The following PIGG variants were observed in gnomAD, a reference collection of about 807,000 sequenced individuals.
PIGG encodes the protein phosphatidylinositol glycan anchor biosynthesis class G (EMM blood group).
A neutral mutation model predicts 83.2 loss-of-function variants in PIGG; 70 were observed. That is an observed-to-expected ratio of 0.84 (90% CI 0.69 to 1.03). The LOEUF is 1.03. Among genes scored for constraint, PIGG ranks in the 50% least tolerant of loss-of-function variants. The pLI is 0.00. For missense variants in PIGG, 1,257 were observed against 1,233.6 expected, an observed-to-expected ratio of 1.02 and a Z score of -0.28; for synonymous variants, 532 against 519.5, an observed-to-expected ratio of 1.02 and a Z score of -0.33.
At chr4:534,190 C>T (rs932361127) in intron 12 of PIGG, among the ~76,000 whole-genome samples, 6 of 152,016 alleles carry the variant, frequency 3.9e-5, no homozygotes, top group East Asian at 1.9e-4. Context: ...TCGGGTCTGA[C>T]GGGGCCTCGC....
At position 527,043 on chromosome 4, in the gene PIGG, G is replaced by C. The variant is rs1380902057; in HGVS notation, c.2074G>C (p.Asp692His). 1.2e-6 allele frequency: 2 copies of C among 1,613,942 alleles called. No homozygotes were observed. Among genetic ancestry groups the C allele is most frequent in the Non-Finnish European group, 1.7e-6 (2 of 1,180,028 alleles). Residue 692 changes from aspartate to histidine, a missense_variant, in exon 10 of 13, where the codon GAC becomes CAC. Transcript: ENST00000453061. ...GCATTTTCCATCTCATTTCAGCTCT[G>C]ACCACAAAGCCGAGCTCTCTGTCCT... Reference protein sequence around the residue: ...PDLGHWLTSSDHKAELSVLAA... With the variant: ...PDLGHWLTSSHHKAELSVLAA...
chr4:508,350 G>A (rs1267321214), intron 4 of PIGG, among the ~76,000 whole-genome samples: 1 of 152,252 alleles, frequency 6.6e-6, no homozygotes, highest in Non-Finnish European at 1.5e-5. Context: ...CAGCCTGCCT[G>A]GCTTGTCCCG....
intron 10 of PIGG, 137 bp downstream of exon 10, chr4:527,367 T>C: frequency 7.2e-7 from 1 of 1,394,576 alleles, no homozygotes; most frequent in South Asian, 1.7e-5. Context: ...TGGAGTTTGG[T>C]GTTTGTGAAT....
chr4:512,365 A>ATGT (rs1722307294), intron 5 of PIGG, among the ~76,000 whole-genome samples: 1 of 150,882 alleles, frequency 6.6e-6, no homozygotes, highest in Non-Finnish European at 1.5e-5. Flanking sequence ...GATTACAGGC[A>ATGT]CCCACCACCA....
In PIGG at chr4:527,149, G is replaced by C; in HGVS notation, c.2180G>C (p.Gly727Ala). The change falls in exon 10 of 13, where the codon GGG becomes GCG. Residue 727 changes from glycine to alanine, a missense_variant. Transcript: ENST00000453061. ...SPVSKAALAL[G>A]LLGVYCYRAA... ...GTGTCCAAGGCTGCCCTGGCGCTGGGGCTGCTGGGCGTCTACTGCTACCGG... is the reference window on the plus strand; with the variant it reads ...GTGTCCAAGGCTGCCCTGGCGCTGGCGCTGCTGGGCGTCTACTGCTACCGG... 6.2e-7 allele frequency: 1 copy of C among 1,614,054 alleles called. No individual in the cohort carries two copies. The highest frequency in any genetic ancestry group is 8.5e-7 in the Non-Finnish European group (1 of 1,179,996).
At chr4:538,285 G>A (rs1199314368) in intron 12 of PIGG, among the ~76,000 whole-genome samples, 1 of 151,656 alleles carries the variant, frequency 6.6e-6, no homozygotes, top group Non-Finnish European at 1.5e-5. Context: ...TTGCTTTGAG[G>A]AAGAGATTTA....
At chr4:499,523 G>A (rs781953167) in intron 1 of PIGG, 34 bp downstream of exon 1, 5 of 1,567,746 alleles carry the variant, frequency 3.2e-6, no homozygotes, top group South Asian at 2.3e-5. Context: ...CCGCTCCCCT[G>A]ACCCCACATC....
At chr4:507,336 G>A (rs879955075) in intron 3 of PIGG, 69 bp from the exon 4 acceptor site, 20 of 1,262,752 alleles carry the variant, frequency 1.6e-5, no homozygotes, top group South Asian at 8.4e-5. Flanking sequence ...TGACTGTTGC[G>A]TTTTCCCCGG....
At chr4:511,241 C>T (rs1050406305) in intron 5 of PIGG, among the ~76,000 whole-genome samples, 20 of 148,300 alleles carry the variant, frequency 1.3e-4, no homozygotes, top group Non-Finnish European at 2.2e-4. Flanking sequence ...TGCAGTGAGC[C>T]GAGATCGTGC....
intron 9 of PIGG, 53 bp from the exon 10 acceptor site, chr4:526,986 T>C: frequency 6.3e-6 from 10 of 1,597,696 alleles, no homozygotes; most frequent in Non-Finnish European, 8.5e-6. Flanking sequence ...TGGTGTAGAT[T>C]GATCTTGTCG....
At chr4:512,163 G>A (rs948659340) in intron 5 of PIGG, among the ~76,000 whole-genome samples, 1 of 148,514 alleles carries the variant, frequency 6.7e-6, no homozygotes, top group East Asian at 2.0e-4. Context: ...TCTTCTGCCA[G>A]TTCAAGTCTA....
At chr4:506,873 TC>T in intron 3 of PIGG, 1 of 437,276 alleles carries the variant, frequency 2.3e-6, no homozygotes, top group South Asian at 1.6e-5. Flanking sequence ...CTGGGTACTG[TC>T]CTGTCTTTAA....
Position 515,932 on chromosome 4 carries a change from T to C in PIGG, c.902-41T>C. ...TTCAAGAATGAGTACCATCTTACAC[T>C]TTCTAGAAGTCTGTTACTTAAAATG... is the stretch of plus-strand genomic sequence containing the variant. On this transcript the variant is annotated intron_variant, in intron 5 of 12. Coordinates refer to ENST00000453061, the MANE Select transcript of PIGG (RefSeq NM_001127178.3). This position sits in a 1 kb window ranked among gnomAD's most constrained non-coding sequence, Gnocchi z 4.2. 6 of 1,505,178 alleles carry C rather than the reference T, an allele frequency of 4.0e-6. No homozygotes were observed. The highest frequency in any genetic ancestry group is 4.6e-6 in the Non-Finnish European group (5 of 1,081,130). 93.2% of individuals were successfully genotyped at this position (1,505,178 alleles called of 1,614,324 possible).
intron 10 of PIGG, among the ~76,000 whole-genome samples, chr4:529,003 T>C (rs78838181): frequency 0.07 from 10,684 of 152,124 alleles, 445 homozygotes; most frequent in East Asian, 0.17. Context: ...TGCCATCCAC[T>C]GAGAGTCTGA....
In PIGG at chr4:523,804, G is replaced by C. The variant is rs764112515; in HGVS notation, c.1960G>C (p.Val654Leu). The change falls in exon 9 of 13, where the codon GTG becomes CTG. Residue 654 changes from valine (V) to leucine (L), a missense_variant. Physicochemically the swap from Val to Leu is conservative, Grantham distance 32 (BLOSUM62 1). Transcript: ENST00000453061. ...GCTCAGAGGCCGCGAGAAGTGGATG[G>C]TGCTGGCCAGTCCGTGGCTAATACT... ...EVLRGREKWMVLASPWLILAC... is the reference protein window; with the variant it reads ...EVLRGREKWMLLASPWLILAC... The C allele has an allele frequency of 6.2e-7, 1 of 1,613,444 alleles. No individual in the cohort carries two copies. Among genetic ancestry groups the C allele is most frequent in the Non-Finnish European group, 8.5e-7 (1 of 1,179,974 alleles).
At position 523,682 on chromosome 4, in the gene PIGG, A is replaced by C; in HGVS notation, c.1838A>C (p.Gln613Pro). ...GEPPCGLCVE[Q>P]GHDGATAAWQ... is the part of the protein sequence containing the mutation. ...CCTCCGTGTGGCCTCTGTGTGGAAC[A>C]AGGGCATGACGGGGCCACAGCAGCG... The change falls in exon 9 of 13, where the codon CAA (glutamine) becomes CCA (proline). Residue 613 changes from glutamine (Q) to proline (P), a missense_variant. Transcript: ENST00000453061. The C allele has an allele frequency of 6.2e-7, 1 of 1,614,218 alleles. No individual in the cohort carries two copies. Among genetic ancestry groups the C allele is most frequent in the Non-Finnish European group, 8.5e-7 (1 of 1,180,034 alleles).
rs757058917 is a variant in PIGG, at chr4:533,809, G to T, written c.2572-9G>T. On this transcript the variant is annotated splice_polypyrimidine_tract_variant and intron_variant, in intron 11 of 12. Transcript: ENST00000453061. Reference sequence around the variant, plus strand: ...TGAGGCCTTTGTCAGCTCTTCTCCTGTATTCCAGGGCAACTCCAACAACAT... The same window carrying T: ...TGAGGCCTTTGTCAGCTCTTCTCCTTTATTCCAGGGCAACTCCAACAACAT... 2 of 1,613,898 alleles carry T rather than the reference G, an allele frequency of 1.2e-6. No individual in the cohort carries two copies. Among genetic ancestry groups the T allele is most frequent in the Non-Finnish European group, 1.7e-6 (2 of 1,179,778 alleles).
intron 12 of PIGG, among the ~76,000 whole-genome samples, chr4:538,711 G>T (rs924816897): frequency 4.6e-5 from 7 of 152,278 alleles, no homozygotes; most frequent in Middle Eastern, 3.4e-3. Context: ...ACCACATCCA[G>T]ATTTCTGTAG....
At position 508,849 on chromosome 4, in the gene PIGG, C is replaced by G. The variant is rs1377909007; in HGVS notation, c.780C>G (p.Pro260=). ...LQSKERETPL[P]NLLVLCGDHG... ...TAAAGGAGAGAGAGACGCCTTTACCCAATTTGCTGGTTCTTTGTGGTGACC... is the reference window on the plus strand; with the variant it reads ...TAAAGGAGAGAGAGACGCCTTTACCGAATTTGCTGGTTCTTTGTGGTGACC... Residue 260 remains proline, a synonymous_variant, in exon 5 of 13, where the codon CCC becomes CCG. Coordinates refer to ENST00000453061, the MANE Select transcript of PIGG (RefSeq NM_001127178.3). The G allele has an allele frequency of 6.2e-7, 1 of 1,614,030 alleles. No individual in the cohort carries two copies. The highest frequency in any genetic ancestry group is 8.5e-7 in the Non-Finnish European group (1 of 1,179,940).
Sources: allele counts gnomAD v4.1 joint callset (sites outside exome capture counted in the v4.1 genomes callset), GRCh38; gene constraint gnomAD v4.1.1; non-coding constraint Gnocchi (gnomAD v3.1); transcripts MANE v1.5; gene names NCBI Gene and HGNC (gene_info 2026-07-23, HGNC 2026-07-21).